Variants in NOXRED1 observed in about 807,000 individuals in gnomAD.
NOXRED1 encodes the protein NADP-dependent oxidoreductase domain-containing protein 1.
Under a neutral mutation model 30.4 loss-of-function variants are expected in NOXRED1, and 20 were observed. The observed-to-expected ratio is 0.66, with a 90% CI of 0.46 to 0.96. NOXRED1 has a LOEUF of 0.96. Among genes scored for constraint, NOXRED1 ranks in the 40% least tolerant of loss-of-function variants. The probability of loss-of-function intolerance (pLI) is 0.00; values close to 1 mark genes in which losing one functional copy is unlikely to be tolerated. For missense variants in NOXRED1, 374 were observed against 428.0 expected, an observed-to-expected ratio of 0.87 and a Z score of 1.11; for synonymous variants, 155 against 168.0, an observed-to-expected ratio of 0.92 and a Z score of 0.60.
At chr14:77,421,585 A>G (rs917956064) in intron 1 of NOXRED1, among the ~76,000 whole-genome samples, 1 of 152,228 alleles carries the variant, frequency 6.6e-6, no homozygotes, top group Non-Finnish European at 1.5e-5. Flanking sequence ...TACAACTTTA[A>G]ACTACAAAAA....
rs569260349 is a variant in NOXRED1, at chr14:77,400,606, A to C, written c.905+5307T>G. Among the ~76,000 whole-genome samples, 273 of 152,316 alleles carry C rather than the reference A, an allele frequency of 1.8e-3. 2 individuals are homozygous for C. The highest frequency in any genetic ancestry group is 2.3e-3 in the Non-Finnish European group (158 of 68,022). ...TCCAGGTCATAGGTAGATAAGAGACAAACGGTTTTATTCTTCTGAGTTTTT... is the reference window on the plus strand; with the variant it reads ...TCCAGGTCATAGGTAGATAAGAGACCAACGGTTTTATTCTTCTGAGTTTTT... On this transcript the variant is annotated intron_variant, in intron 5 of 5. Coordinates refer to ENST00000380835, the MANE Select transcript of NOXRED1 (RefSeq NM_001113475.3).
Position 77,422,786 on chromosome 14 carries a change from A to T in NOXRED1, c.104T>A (p.Ile35Asn), listed in dbSNP as rs1416003070. 4 of 1,614,056 alleles carry T rather than the reference A, an allele frequency of 2.5e-6. No individual in the cohort carries two copies. The African/African-American group carries it at 5.3e-5, about 22-fold the overall frequency. ...GAAGGTTGCATGGGCACAAGCCTCG[A>T]TCATCAGTCCCCGAGAACGGCCCTG... is the stretch of plus-strand genomic sequence containing the variant. ...YLQGRSRGLM[I>N]EACAHATFFC... The change falls in exon 1 of 6, where the codon ATC becomes AAC. Residue 35 changes from isoleucine to asparagine, a missense_variant. Ile to Asn is a moderately radical substitution (Grantham distance 149). Transcript: ENST00000380835.
chr14:77,397,189 G>A (rs1894211242), intron 5 of NOXRED1, among the ~76,000 whole-genome samples: 1 of 152,202 alleles, frequency 6.6e-6, no homozygotes, highest in South Asian at 2.1e-4. Context: ...TTGTGATACA[G>A]CCATGCCGTG....
intron 1 of NOXRED1, among the ~76,000 whole-genome samples, chr14:77,416,977 A>G (rs1215754940): frequency 1.3e-5 from 2 of 152,214 alleles, no homozygotes; most frequent in Non-Finnish European, 2.9e-5. Context: ...GTTGCAACCC[A>G]TAAGTTTTGG....
Position 77,422,852 on chromosome 14 carries a change from T to C in NOXRED1, c.38A>G (p.Glu13Gly), listed in dbSNP as rs752044084. The C allele has an allele frequency of 1.2e-6, 2 of 1,613,778 alleles. No homozygotes were observed. Among genetic ancestry groups the C allele is most frequent in the East Asian group, 4.5e-5 (2 of 44,890 alleles). Residue 13 changes from glutamate to glycine, a missense_variant, in exon 1 of 6, where the codon GAG becomes GGG. Physicochemically the swap from Glu to Gly is moderately conservative, Grantham distance 98 (BLOSUM62 -2). Coordinates refer to ENST00000380835, the MANE Select transcript of NOXRED1 (RefSeq NM_001113475.3). The stretch of plus-strand genomic sequence containing the variant: ...ACGATCTTCCTCTGGAACCCCATAC[T>C]CAAACTGCAGGGACTCAAGGTCCTG... Reference protein sequence around the residue: ...MLQDLESLQFEYGVPEEDRIW... With the variant: ...MLQDLESLQFGYGVPEEDRIW...
chr14:77,412,467 G>T (rs1411442566), intron 2 of NOXRED1, among the ~76,000 whole-genome samples: 2 of 152,122 alleles, frequency 1.3e-5, no homozygotes, highest in Non-Finnish European at 2.9e-5. Context: ...GCCTGCTGGG[G>T]TAACCTTCTA....
chr14:77,413,396 G>A (rs1894714648), intron 2 of NOXRED1, among the ~76,000 whole-genome samples: 1 of 151,870 alleles, frequency 6.6e-6, no homozygotes, highest in Admixed American at 6.6e-5. Flanking sequence ...GCACCATCAT[G>A]CCCAGCTAAT....
rs141814619 is a variant in NOXRED1 at position 77,406,759 on chromosome 14, G to C, written c.647C>G (p.Thr216Arg). 1 of 1,614,082 alleles carries C rather than the reference G, an allele frequency of 6.2e-7. No individual in the cohort carries two copies. The highest frequency in any genetic ancestry group is 1.7e-5 in the Admixed American group (1 of 60,014). ...GTAGGGACAGGTAGCTTGAAGAATCGTAGGATCTTGGAGAGCAGCTATGAC... is the reference window on the plus strand; with the variant it reads ...GTAGGGACAGGTAGCTTGAAGAATCCTAGGATCTTGGAGAGCAGCTATGAC... ...KGVIAALQDP[T>R]ILQATCPYSP... The change falls in exon 4 of 6, where the codon ACG (threonine) becomes AGG (arginine). Residue 216 changes from threonine (T) to arginine (R), a missense_variant. Thr to Arg is a moderately conservative substitution (Grantham distance 71). Transcript: ENST00000380835.
intron 1 of NOXRED1, among the ~76,000 whole-genome samples, chr14:77,419,043 T>A (rs1237605207): frequency 6.6e-6 from 1 of 151,936 alleles, no homozygotes; most frequent in East Asian, 1.9e-4. Flanking sequence ...TTTTTGTTGT[T>A]GTTTATCTGG....
intron 5 of NOXRED1, among the ~76,000 whole-genome samples, chr14:77,404,332 G>A (rs1894402160): frequency 6.6e-6 from 1 of 152,142 alleles, no homozygotes; most frequent in African/African-American, 2.4e-5. Flanking sequence ...ATGATTGATT[G>A]GAATACGAAA....
rs1895043849 is a variant in NOXRED1, at chr14:77,423,054, T to G, written c.-165A>C. 1 of 601,922 alleles carries G rather than the reference T, an allele frequency of 1.7e-6. No homozygotes were observed. Among genetic ancestry groups the G allele is most frequent in the African/African-American group, 1.9e-5 (1 of 53,664 alleles). 37.3% of individuals were successfully genotyped at this position (601,922 alleles called of 1,614,324 possible). A position where few individuals can be genotyped will look rare whatever the true frequency, so the allele number is the denominator to read the frequency against. On this transcript the variant is annotated 5_prime_UTR_variant, in exon 1 of 6. Coordinates refer to ENST00000380835, the MANE Select transcript of NOXRED1 (RefSeq NM_001113475.3). ...CACCTCTCTACTCCCAGATTCTGAA[T>G]TTGGAATTCACCTCTCTTGAATTCA... is the stretch of plus-strand genomic sequence containing the variant.
chr14:77,413,794 TA>T, intron 2 of NOXRED1, 139 bp downstream of exon 2: 1 of 527,236 alleles, frequency 1.9e-6, no homozygotes, highest in Non-Finnish European at 3.3e-6. Flanking sequence ...GCCATGCTTC[TA>T]ACCTTTCTTA....
intron 4 of NOXRED1, 88 bp downstream of exon 4, chr14:77,406,622 CACACACACACACAG>C (rs66695148): frequency 0.15 from 126,874 of 831,720 alleles, 7,518 homozygotes; most frequent in Admixed American, 0.21. Context: ...CACACACACA[CACACACACACACAG>C]AGAGAGAGAG....
chr14:77,409,379 C>T (rs1237713386), intron 2 of NOXRED1, among the ~76,000 whole-genome samples: 2 of 152,126 alleles, frequency 1.3e-5, no homozygotes, highest in Admixed American at 1.3e-4. Flanking sequence ...ATGGCACTTT[C>T]CCCTGTGTGC....
chr14:77,422,869 A>C lies in NOXRED1; in HGVS notation c.21T>G (p.Leu7=). 5.6e-6 allele frequency: 9 copies of C among 1,613,740 alleles called. No homozygotes were observed. Among genetic ancestry groups the C allele is most frequent in the Non-Finnish European group, 6.8e-6 (8 of 1,179,806 alleles). The change falls in exon 1 of 6, where the codon CTT becomes CTG. Residue 7 remains leucine (L), a synonymous_variant. Transcript: ENST00000380835. MDMLQD[L]ESLQFEYGVP... Reference sequence around the variant, plus strand: ...CCCCATACTCAAACTGCAGGGACTCAAGGTCCTGGAGCATGTCCATTTCCA... The same window carrying C: ...CCCCATACTCAAACTGCAGGGACTCCAGGTCCTGGAGCATGTCCATTTCCA...
chr14:77,421,229 G>A (rs565408584), intron 1 of NOXRED1, among the ~76,000 whole-genome samples: 2 of 152,302 alleles, frequency 1.3e-5, no homozygotes, highest in East Asian at 3.9e-4. Context: ...CCCTGTAAAT[G>A]CAGCTGTTCT....
chr14:77,415,653 G>GAC (rs770783995), intron 1 of NOXRED1, among the ~76,000 whole-genome samples: 1 of 147,766 alleles, frequency 6.8e-6, no homozygotes, highest in Non-Finnish European at 1.5e-5. Flanking sequence ...CAGACATATA[G>GAC]ATATAGTTGT....
intron 2 of NOXRED1, among the ~76,000 whole-genome samples, chr14:77,410,776 A>G (rs1894628729): frequency 6.6e-6 from 1 of 152,214 alleles, no homozygotes; most frequent in African/African-American, 2.4e-5. Context: ...AGACATATTA[A>G]AACAAGAAAA....
chr14:77,420,140 C>T (rs1165734875), intron 1 of NOXRED1, among the ~76,000 whole-genome samples: 2 of 152,054 alleles, frequency 1.3e-5, no homozygotes, highest in African/African-American at 4.8e-5. Context: ...CCTGTAAGTC[C>T]TCTAGATTTT....
Sources: allele counts gnomAD v4.1 joint callset (sites outside exome capture counted in the v4.1 genomes callset), GRCh38; gene constraint gnomAD v4.1.1; transcripts MANE v1.5; gene names NCBI Gene and HGNC (gene_info 2026-07-23, HGNC 2026-07-21).